Variants in HSPA12A observed in about 807,000 individuals in gnomAD.
HSPA12A encodes the protein heat shock protein family A (Hsp70) member 12A.
A neutral mutation model predicts 69.2 loss-of-function variants in HSPA12A; 28 were observed. That is an observed-to-expected ratio of 0.40 (90% CI 0.30 to 0.55). The LOEUF (loss-of-function observed/expected upper bound fraction) is 0.55. Among genes scored for constraint, HSPA12A ranks in the 20% least tolerant of loss-of-function variants. The probability of loss-of-function intolerance (pLI) is 0.38; values close to 1 mark genes in which losing one functional copy is unlikely to be tolerated. For synonymous variants in HSPA12A, 345 were observed against 370.5 expected (o/e 0.93, Z 0.79); for missense variants, 686 against 900.7 (o/e 0.76, Z 3.05).
At chr10:116,685,146 T>C (rs992497106) in intron 6 of HSPA12A, among the ~76,000 whole-genome samples, 1 of 152,188 alleles carries the variant, frequency 6.6e-6, no homozygotes, top group Non-Finnish European at 1.5e-5. Context: ...CCATGCCTAC[T>C]GGGAGGAAGG....
In HSPA12A at chr10:116,682,455, T is replaced by TGGG. The variant is rs782049148; in HGVS notation, c.836-581_836-579dup. 4.2e-3 allele frequency among the ~76,000 whole-genome samples: 538 copies of TGGG among 127,524 alleles called. 3 individuals carry two copies. Among genetic ancestry groups the TGGG allele is most frequent in the African/African-American group, 0.015 (500 of 33,816 alleles). The allele number at this position is 127,524 out of a possible 152,430, so 83.7% of individuals were successfully genotyped here. ...TAACATGCACCCTGGGTAAATAGAC[T>TGGG]GGGGGGGGGGGCCATTTCCTGACCC... On this transcript the variant is annotated intron_variant, in intron 7 of 11. Coordinates refer to ENST00000369209, the MANE Select transcript of HSPA12A (RefSeq NM_025015.3).
chr10:116,702,578 C>G (rs560646513), intron 3 of HSPA12A, among the ~76,000 whole-genome samples: 72 of 152,274 alleles, frequency 4.7e-4, no homozygotes, highest in African/African-American at 1.7e-3. Context: ...GCCAAAGTCC[C>G]CGAGGTGACC....
At position 116,701,094 on chromosome 10, in the gene HSPA12A, T is replaced by C; in HGVS notation, c.290A>G (p.Gln97Arg). Residue 97 changes from glutamine (Q) to arginine (R), a missense_variant, in exon 4 of 12, where the codon CAG becomes CGG. Coordinates refer to ENST00000369209, the MANE Select transcript of HSPA12A (RefSeq NM_025015.3). ...CAGCAAGATGGTGGTTGGAGTCTTC[T>C]GATTGGACACACCAGGGTCACCTCC... ...WEGGDPGVSNQKTPTTILLTP... is the reference protein window; with the variant it reads ...WEGGDPGVSNRKTPTTILLTP... 6.2e-7 allele frequency: 1 copy of C among 1,614,152 alleles called. No individual in the cohort carries two copies. Among genetic ancestry groups the C allele is most frequent in the Non-Finnish European group, 8.5e-7 (1 of 1,180,040 alleles).
At chr10:116,727,326 T>A (rs1359563471) in intron 1 of HSPA12A, among the ~76,000 whole-genome samples, 1 of 152,014 alleles carries the variant, frequency 6.6e-6, no homozygotes, top group Non-Finnish European at 1.5e-5. Flanking sequence ...AGGCTGTCGG[T>A]CGGGGGCCTC....
At chr10:116,739,017 G>A (rs1352925675) in intron 1 of HSPA12A, among the ~76,000 whole-genome samples, 1 of 152,210 alleles carries the variant, frequency 6.6e-6, no homozygotes, top group Non-Finnish European at 1.5e-5. Flanking sequence ...TACTTCCTTT[G>A]GGGGCTATAA....
intron 2 of HSPA12A, among the ~76,000 whole-genome samples, chr10:116,810,246 G>A (rs1845150989): frequency 6.6e-6 from 1 of 152,140 alleles, no homozygotes; most frequent in African/African-American, 2.4e-5. Flanking sequence ...CCGGCGGGAA[G>A]CGCTCTTGAA....
At chr10:116,796,893 C>A (rs79845044) in intron 2 of HSPA12A, among the ~76,000 whole-genome samples, 11,420 of 152,246 alleles carry the variant, frequency 0.075, 514 homozygotes, top group East Asian at 0.16. Flanking sequence ...CATTTCCAAA[C>A]CCTCACTATA....
chr10:116,845,932 C>T (rs1302022805), intron 1 of HSPA12A, among the ~76,000 whole-genome samples: 2 of 152,194 alleles, frequency 1.3e-5, no homozygotes, highest in Non-Finnish European at 2.9e-5. Flanking sequence ...TAATAAACCC[C>T]TTGCACACCA....
chr10:116,708,112 G>C (rs540676435), intron 1 of HSPA12A: 1 of 152,030 alleles, frequency 6.6e-6, no homozygotes, highest in East Asian at 1.9e-4. Context: ...TGGGCCCCCC[G>C]GGAGAAAAAA....
rs142837872 is a variant in HSPA12A, at chr10:116,840,815, T to C, written c.4-5793A>G. ...GACTAGATAGAGTACAAATATTTGG[T>C]TGTGACCTTTGGGAAGGATGACTAC... On this transcript the variant is annotated intron_variant, in intron 1 of 12. Coordinates refer to the HSPA12A transcript ENST00000635765. Among the ~76,000 whole-genome samples, 386 of 152,312 alleles carry C rather than the reference T, an allele frequency of 2.5e-3. 1 individual carries two copies. The highest frequency in any genetic ancestry group is 0.018 in the South Asian group (89 of 4,826).
chr10:116,824,703 C>T (rs1368594755), intron 2 of HSPA12A, among the ~76,000 whole-genome samples: 2 of 152,188 alleles, frequency 1.3e-5, no homozygotes, highest in African/African-American at 2.4e-5. Flanking sequence ...CGCATGATCT[C>T]GGCTCACTGC....
At chr10:116,827,107 T>C (rs753040530) in intron 2 of HSPA12A, among the ~76,000 whole-genome samples, 5 of 152,220 alleles carry the variant, frequency 3.3e-5, no homozygotes, top group Non-Finnish European at 7.3e-5. Context: ...CCACACACAC[T>C]GGGGAAAAAC....
At chr10:116,842,608 G>GTTTGTT (rs527476896) in intron 1 of HSPA12A, among the ~76,000 whole-genome samples, 93 of 152,178 alleles carry the variant, frequency 6.1e-4, no homozygotes, top group African/African-American at 1.8e-3. Context: ...TGCTTAAAGA[G>GTTTGTT]TTTGTTTTTG....
At chr10:116,832,202 T>C (rs771636213) in intron 2 of HSPA12A, 1 of 152,114 alleles carries the variant, frequency 6.6e-6, no homozygotes, top group Non-Finnish European at 1.5e-5. Flanking sequence ...AGAGTCTCGC[T>C]CTATTGCCAG....
Position 116,672,796 on chromosome 10 carries a change from A to G in HSPA12A, c.*1985T>C, listed in dbSNP as rs1316911568. ...CTGGCAACAAAGAAAGACCCATACC[A>G]TTTAGCGTTTGAAGCAGGGCAGGTA... On this transcript the variant is annotated 3_prime_UTR_variant, in exon 12 of 12. Transcript: ENST00000369209. 6.6e-6 allele frequency: 1 copy of G among 152,632 alleles called. No individual in the cohort carries two copies. The highest frequency in any genetic ancestry group is 1.5e-5 in the Non-Finnish European group (1 of 68,032). 9.5% of individuals were successfully genotyped at this position (152,632 alleles called of 1,614,324 possible).
At chr10:116,734,678 T>C (rs1317353052) in intron 1 of HSPA12A, among the ~76,000 whole-genome samples, 1 of 149,406 alleles carries the variant, frequency 6.7e-6, no homozygotes, top group Non-Finnish European at 1.5e-5. Context: ...TTTTTTCATA[T>C]ATTAGCCTTC....
chr10:116,750,359 A>G (rs1851747032), intron 2 of HSPA12A: 7 of 734,066 alleles, frequency 9.5e-6, no homozygotes, highest in Middle Eastern at 3.8e-4. Context: ...TGCCAAAACT[A>G]CTTCTGGCAA....
At chr10:116,836,276 A>G (rs1845709035) in intron 1 of HSPA12A, among the ~76,000 whole-genome samples, 1 of 152,128 alleles carries the variant, frequency 6.6e-6, no homozygotes, top group South Asian at 2.1e-4. Flanking sequence ...TACTGTGGCC[A>G]CAATGGGCTG....
intron 2 of HSPA12A, among the ~76,000 whole-genome samples, chr10:116,706,923 C>T (rs1554882506): frequency 6.6e-6 from 1 of 152,180 alleles, no homozygotes; most frequent in Non-Finnish European, 1.5e-5. Flanking sequence ...ATCTCACCTT[C>T]TTCTGTGACC....
Sources: gnomAD v4.1 joint callset for allele counts (sites outside exome capture counted in the v4.1 genomes callset) on GRCh38, gnomAD v4.1.1 for gene constraint, MANE v1.5 for transcripts, NCBI Gene and HGNC (gene_info 2026-07-23, HGNC 2026-07-21) for gene names.